STK38: variants seen among roughly 807,000 people sequenced by gnomAD.
STK38 encodes the protein serine/threonine kinase 38, also known as serine/threonine-protein kinase 38.
In STK38, 26 loss-of-function variants were observed where a neutral mutation model predicts 59.0. The ratio of observed to expected loss-of-function variants is 0.44; its 90% CI spans 0.32 to 0.61. STK38 has a LOEUF of 0.61. STK38 is among the 20% of genes least tolerant of loss of function. STK38 has a pLI of 0.04. For synonymous variants in STK38, 175 were observed against 176.6 expected (o/e 0.99, Z 0.07); for missense variants, 433 against 566.0 (o/e 0.76, Z 2.38).
chr6:36,514,848 CAAAA>C (rs58614183), intron 7 of STK38, among the ~76,000 whole-genome samples: 5 of 77,706 alleles, frequency 6.4e-5, no homozygotes. Flanking sequence ...GACTTCATCT[CAAAA>C]AAAAAAAAAA....
Position 36,499,940 on chromosome 6 carries a change from C to T in STK38, c.885G>A (p.Met295Ile). Reference sequence around the variant, plus strand: ...CACAGAGCTTGTTGTACCCGGTCTGCATGAACACCTCAGGAGCAATGTAGT... The same window carrying T: ...CACAGAGCTTGTTGTACCCGGTCTGTATGAACACCTCAGGAGCAATGTAGT... ...TPDYIAPEVF[M>I]QTGYNKLCDW... Residue 295 changes from methionine to isoleucine, a missense_variant, in exon 10 of 14, where the codon ATG (methionine) becomes ATA (isoleucine). Physicochemically the swap from Met to Ile is conservative, Grantham distance 10. This residue lies in a region of STK38 where 293 missense variants were observed against 388.2 expected (regional missense o/e 0.75). Coordinates refer to ENST00000229812, the MANE Select transcript of STK38 (RefSeq NM_007271.4). The T allele has an allele frequency of 1.2e-6, 2 of 1,614,106 alleles. No individual in the cohort carries two copies. Among genetic ancestry groups the T allele is most frequent in the South Asian group, 2.2e-5 (2 of 91,086 alleles).
chr6:36,507,062 A>G (rs1322632654), intron 8 of STK38, among the ~76,000 whole-genome samples: 1 of 152,242 alleles, frequency 6.6e-6, no homozygotes, highest in Non-Finnish European at 1.5e-5. Context: ...GATTTGACAT[A>G]TGCTTTTCTA....
chr6:36,517,897 T>C, intron 5 of STK38, 57 bp from the exon 6 acceptor site: 2 of 1,588,704 alleles, frequency 1.3e-6, no homozygotes, highest in Non-Finnish European at 1.7e-6. Context: ...TTAGATTGTA[T>C]ATTTGCTTAA....
In STK38 at chr6:36,540,100, TA is replaced by T. The variant is rs773577316; in HGVS notation, c.102del (p.Ile35SerfsTer9). 1.9e-6 allele frequency: 3 copies of T among 1,614,136 alleles called. No individual in the cohort carries two copies. In the Admixed American group the frequency reaches 5.0e-5, roughly 27 times the overall value. ...KVTLENFYSNLIAQHEEREMR... is the reference protein window; with the variant it reads ...KVTLENFYSNXIAQHEEREMR... ...ATTTCTCGTTCTTCATGTTGAGCGA[TA>T]AGGTTGCTATAAAAATTCTCCAGTG... On this transcript the variant is annotated frameshift_variant, in exon 2 of 14. Transcript: ENST00000229812. LOFTEE classifies it high-confidence loss of function.
intron 7 of STK38, among the ~76,000 whole-genome samples, chr6:36,513,310 G>A (rs530848356): frequency 0.012 from 1,664 of 137,594 alleles, 34 homozygotes; most frequent in African/African-American, 0.043. Context: ...GAGCCACTGC[G>A]TCTGGCCTTT....
intron 2 of STK38, among the ~76,000 whole-genome samples, chr6:36,526,946 C>T (rs1001271372): frequency 4.3e-4 from 65 of 151,058 alleles, no homozygotes; most frequent in African/African-American, 1.5e-3. Flanking sequence ...GTAATCCCAG[C>T]ACTTTGGGAG....
intron 7 of STK38, among the ~76,000 whole-genome samples, chr6:36,513,033 T>A (rs1438520472): frequency 6.6e-6 from 1 of 152,042 alleles, no homozygotes; most frequent in Non-Finnish European, 1.5e-5. Flanking sequence ...ATTATTATTA[T>A]TTTTTAGATG....
chr6:36,517,423 G>A (rs1306253670), intron 6 of STK38, among the ~76,000 whole-genome samples: 1 of 152,096 alleles, frequency 6.6e-6, no homozygotes, highest in Non-Finnish European at 1.5e-5. Flanking sequence ...ATTGACAGGA[G>A]AGCAGGCAGA....
intron 2 of STK38, among the ~76,000 whole-genome samples, chr6:36,530,678 T>C (rs1271432348): frequency 2.7e-5 from 4 of 147,908 alleles, no homozygotes; most frequent in Non-Finnish European, 5.9e-5. Flanking sequence ...TTTTCCTTTT[T>C]TTCTTTTCTT....
intron 2 of STK38, among the ~76,000 whole-genome samples, chr6:36,526,222 T>C (rs1008177418): frequency 2.7e-4 from 14 of 51,580 alleles, no homozygotes; most frequent in African/African-American, 1.4e-3. Flanking sequence ...TTTTGGGTGT[T>C]TTTTTTTTTT....
chr6:36,542,918 C>T (rs1777973720), intron 1 of STK38, among the ~76,000 whole-genome samples: 1 of 152,064 alleles, frequency 6.6e-6, no homozygotes, highest in African/African-American at 2.4e-5. Context: ...TGCACTCCAC[C>T]TGGGTGACAG....
At chr6:36,524,684 C>T (rs1161769720) in intron 3 of STK38, among the ~76,000 whole-genome samples, 1 of 152,220 alleles carries the variant, frequency 6.6e-6, no homozygotes, top group Non-Finnish European at 1.5e-5. Context: ...AGATGGGTGC[C>T]TCCTCTGGGA....
At chr6:36,538,142 T>G (rs1777842495) in intron 2 of STK38, among the ~76,000 whole-genome samples, 1 of 150,164 alleles carries the variant, frequency 6.7e-6, no homozygotes, top group South Asian at 2.1e-4. Context: ...CTACTAAAAA[T>G]ACAAAAACAA....
intron 7 of STK38, among the ~76,000 whole-genome samples, chr6:36,513,957 C>A (rs557055734): frequency 1.3e-5 from 2 of 150,678 alleles, no homozygotes; most frequent in Admixed American, 6.6e-5. Context: ...AGATCGAGAC[C>A]ATCATGGCTA....
chr6:36,498,918 G>A (rs146262450), intron 10 of STK38, among the ~76,000 whole-genome samples: 4 of 152,106 alleles, frequency 2.6e-5, no homozygotes, highest in African/African-American at 9.6e-5. Flanking sequence ...AATGACTACT[G>A]GATTACTCTG....
chr6:36,525,243 A>G (rs1025227801), intron 3 of STK38, among the ~76,000 whole-genome samples: 4 of 152,198 alleles, frequency 2.6e-5, no homozygotes, highest in African/African-American at 9.7e-5. Context: ...AAGTAAAATA[A>G]ATAAATATTT....
Position 36,525,905 on chromosome 6 carries a change from A to T in STK38, c.132-263T>A, listed in dbSNP as rs192390369. On this transcript the variant is annotated intron_variant, in intron 2 of 13. Coordinates refer to ENST00000229812, the MANE Select transcript of STK38 (RefSeq NM_007271.4). The stretch of plus-strand genomic sequence containing the variant: ...GTTTTGTTCTGTCACCCAGGCTAGA[A>T]TGCAGTGGCGCAATCTCAGCTCACT... Among the ~76,000 whole-genome samples, 731 of 152,186 alleles carry T rather than the reference A, an allele frequency of 4.8e-3. 2 individuals carry two copies. Among genetic ancestry groups the T allele is most frequent in the South Asian group, 8.3e-3 (40 of 4,820 alleles).
At chr6:36,520,242 T>C (rs890186485) in intron 5 of STK38, among the ~76,000 whole-genome samples, 1 of 152,222 alleles carries the variant, frequency 6.6e-6, no homozygotes, top group Admixed American at 6.5e-5. Context: ...CATAAGTTAA[T>C]GCATCATTTA....
intron 1 of STK38, among the ~76,000 whole-genome samples, chr6:36,542,620 G>T (rs535802326): frequency 4.6e-5 from 7 of 152,118 alleles, no homozygotes; most frequent in South Asian, 2.1e-4. Flanking sequence ...CTCCAGACTG[G>T]GCTACACAGC....
Sources: allele counts gnomAD v4.1 joint callset (sites outside exome capture counted in the v4.1 genomes callset), GRCh38; gene constraint gnomAD v4.1.1; regional missense constraint gnomAD v4.1.1; transcripts MANE v1.5; gene names NCBI Gene and HGNC (gene_info 2026-07-23, HGNC 2026-07-21).